Variants in ILDR2 observed in about 807,000 individuals in gnomAD.
ILDR2 encodes immunoglobulin like domain containing receptor 2, also known as immunoglobulin-like domain-containing receptor 2.
A neutral mutation model predicts 66.8 loss-of-function variants in ILDR2; 25 were observed. The ratio of observed to expected loss-of-function variants is 0.37; its 90% confidence interval spans 0.27 to 0.52. The LOEUF is 0.52. Among genes scored for constraint, ILDR2 ranks in the 20% least tolerant of loss-of-function variants. The pLI, the probability that ILDR2 is intolerant of heterozygous loss-of-function variation, is 0.88. For missense variants in ILDR2, 827 were observed against 876.8 expected (o/e 0.94, Z 0.72); for synonymous variants, 367 against 357.2 (o/e 1.03, Z -0.31).
chr1:166,901,741 T>C (rs1659269428), intron 2 of ILDR2, among the ~76,000 whole-genome samples: 2 of 152,228 alleles, frequency 1.3e-5, no homozygotes, highest in South Asian at 4.1e-4. Context: ...CCTTCTTCCC[T>C]AGTTCCCCCA....
intron 7 of ILDR2, 47 bp from the exon 8 acceptor site, chr1:166,922,856 T>C: frequency 6.6e-7 from 1 of 1,508,984 alleles, no homozygotes; most frequent in South Asian, 1.1e-5. Flanking sequence ...TGTTACTCTG[T>C]TTTAGACAGG....
In ILDR2 at chr1:166,909,758, T is replaced by TATAA. The variant is rs1299440637; in HGVS notation, c.*9596_*9597insTTAT. On this transcript the variant is annotated 3_prime_UTR_variant, in exon 10 of 10. Coordinates refer to ENST00000271417, the MANE Select transcript of ILDR2 (RefSeq NM_199351.3). ...ATACATATATATATATATATATATA[T>TATAA]AAATATATATAAATATATATATTTA... 11 of 74,336 alleles carry TATAA rather than the reference T, an allele frequency of 1.5e-4. No individual in the cohort carries two copies. The highest frequency in any genetic ancestry group is 1.1e-3 in the East Asian group (2 of 1,766). The allele number at this position is 74,336 out of a possible 1,614,324, so 4.6% of individuals were successfully genotyped here.
chr1:166,919,099 T>G lies in ILDR2; in HGVS notation c.*256A>C, dbSNP rs550602683. 1 of 517,998 alleles carries G rather than the reference T, an allele frequency of 1.9e-6. No individual in the cohort carries two copies. Among genetic ancestry groups the G allele is most frequent in the East Asian group, 2.9e-5 (1 of 33,974 alleles). The allele number at this position is 517,998 out of a possible 1,614,324, so 32.1% of individuals were successfully genotyped here. On this transcript the variant is annotated 3_prime_UTR_variant, in exon 10 of 10. Transcript: ENST00000271417. ...AGGCTGGGCAGGATAAACGCTATAG[T>G]TGAGAAACTCTGTATGTAGGAATGT... is the stretch of plus-strand genomic sequence containing the variant.
chr1:166,904,982 A>C (rs537852291), downstream of ILDR2, among the ~76,000 whole-genome samples: 48 of 152,368 alleles, frequency 3.2e-4, no homozygotes, highest in Admixed American at 1.2e-3. Flanking sequence ...GCTAGGTAAC[A>C]AGATAAAGGT....
At position 166,921,511 on chromosome 1, in the gene ILDR2, G is replaced by T; in HGVS notation, c.1212-132C>A. 1.4e-6 allele frequency: 1 copy of T among 706,726 alleles called. No homozygotes were observed. The highest frequency in any genetic ancestry group is 2.3e-6 in the Non-Finnish European group (1 of 440,786). 43.8% of individuals were successfully genotyped at this position (706,726 alleles called of 1,614,324 possible). Reference sequence around the variant, plus strand: ...GGCCTGAGCCTCAGCTCCGCTCCAGGCTGGATGAAGCATTCCAGGCTCCTC... The same window carrying T: ...GGCCTGAGCCTCAGCTCCGCTCCAGTCTGGATGAAGCATTCCAGGCTCCTC... On this transcript the variant is annotated intron_variant, in intron 8 of 9. Coordinates refer to ENST00000271417, the MANE Select transcript of ILDR2 (RefSeq NM_199351.3). This position sits in a 1 kb window ranked among gnomAD's most constrained non-coding sequence, Gnocchi z 5.3.
intron 3 of ILDR2, among the ~76,000 whole-genome samples, chr1:166,956,105 T>C (rs1333118946): frequency 1.3e-5 from 2 of 152,352 alleles, no homozygotes; most frequent in East Asian, 3.9e-4. Context: ...TAATGAGTTT[T>C]CATTTATGAG....
At chr1:166,972,495 TAAC>T (rs771568714) in intron 1 of ILDR2, among the ~76,000 whole-genome samples, 4 of 151,998 alleles carry the variant, frequency 2.6e-5, no homozygotes, top group African/African-American at 9.7e-5. Context: ...TTGTTCAAAA[TAAC>T]AACAACAACA....
chr1:166,934,328 A>C (rs1660815306), intron 6 of ILDR2, among the ~76,000 whole-genome samples: 2 of 152,210 alleles, frequency 1.3e-5, no homozygotes, highest in Admixed American at 1.3e-4. Flanking sequence ...TGATCTAGAC[A>C]ACTTGGGGTC....
Position 166,957,963 on chromosome 1 carries a change from C to A in ILDR2, c.185G>T (p.Cys62Phe), listed in dbSNP as rs752512920. ...AVVQWKFKSY[C>F]QDRMGESLGM... ...CAAGGATTCTCCCATGCGATCCTGG[C>A]AGTAGGACTTGAACTTCCACTGCAC... Residue 62 changes from cysteine to phenylalanine, a missense_variant, in exon 2 of 10, where the codon TGC (cysteine) becomes TTC (phenylalanine). Physicochemically the swap from Cys to Phe is radical, Grantham distance 205. This residue lies in a region of ILDR2 where 437 missense variants were observed against 523.2 expected (regional missense o/e 0.84). Transcript: ENST00000271417. 4 of 1,614,034 alleles carry A rather than the reference C, an allele frequency of 2.5e-6. No homozygotes were observed. In the African/African-American group the frequency reaches 5.3e-5, roughly 22 times the overall value.
rs902119326 is a variant in ILDR2 at position 166,915,903 on chromosome 1, G to C, written c.*3452C>G. ...TCTCCGTGAGGCCTGCCCTGTGTTGGTGAATATGGGCAGCAGCACTCACAG... is the reference window on the plus strand; with the variant it reads ...TCTCCGTGAGGCCTGCCCTGTGTTGCTGAATATGGGCAGCAGCACTCACAG... On this transcript the variant is annotated 3_prime_UTR_variant, in exon 10 of 10. Transcript: ENST00000271417. 1 of 152,262 alleles carries C rather than the reference G, an allele frequency of 6.6e-6. No individual in the cohort carries two copies. Among genetic ancestry groups the C allele is most frequent in the Non-Finnish European group, 1.5e-5 (1 of 68,096 alleles). 9.4% of individuals were successfully genotyped at this position (152,262 alleles called of 1,614,324 possible).
Position 166,921,327 on chromosome 1 carries a change from C to A in ILDR2, c.1264G>T (p.Val422Leu). Residue 422 changes from valine to leucine, a missense_variant, in exon 9 of 10, where the codon GTG (valine) becomes TTG (leucine). Physicochemically the swap from Val to Leu is conservative, Grantham distance 32. Transcript: ENST00000271417. This position sits in a 1 kb window ranked among gnomAD's most constrained non-coding sequence, Gnocchi z 5.3. Reference protein sequence around the residue: ...MLSRKNFATGVPAVSMDELAA... With the variant: ...MLSRKNFATGLPAVSMDELAA... ...AGCTCGTCCATGGAAACGGCCGGCA[C>A]CCCCGTGGCGAAGTTCTTCCGCGAC... 1 of 1,586,666 alleles carries A rather than the reference C, an allele frequency of 6.3e-7. No individual in the cohort carries two copies. The highest frequency in any genetic ancestry group is 8.6e-7 in the Non-Finnish European group (1 of 1,163,740).
intron 1 of ILDR2, among the ~76,000 whole-genome samples, chr1:166,967,924 T>C (rs1663056997): frequency 6.6e-6 from 1 of 152,198 alleles, no homozygotes; most frequent in African/African-American, 2.4e-5. Context: ...GGTCACTCTG[T>C]CCAATTCTCT....
intron 2 of ILDR2, among the ~76,000 whole-genome samples, chr1:166,899,986 T>C (rs890428777): frequency 6.6e-6 from 1 of 152,190 alleles, no homozygotes; most frequent in African/African-American, 2.4e-5. Context: ...CTGCTAGAAA[T>C]GCAGAATCTC....
At chr1:166,973,621 C>A (rs4657615) in intron 1 of ILDR2, among the ~76,000 whole-genome samples, 6 of 134,422 alleles carry the variant, frequency 4.5e-5, no homozygotes, top group South Asian at 2.8e-4. Context: ...CTCCCCCCCC[C>A]CCCCGATGCC....
intron 1 of ILDR2, among the ~76,000 whole-genome samples, chr1:166,965,570 GT>G (rs535388259): frequency 1.6e-5 from 2 of 127,392 alleles, no homozygotes; most frequent in African/African-American, 3.2e-5. Flanking sequence ...GTTAGGTTTT[GT>G]TTTTTTTTTT....
At chr1:166,972,043 C>T (rs527830321) in intron 1 of ILDR2, among the ~76,000 whole-genome samples, 1 of 152,024 alleles carries the variant, frequency 6.6e-6, no homozygotes, top group African/African-American at 2.4e-5. Flanking sequence ...GAAACCCCAA[C>T]TCTACTAAAA....
chr1:166,962,267 A>G (rs1195787159), intron 1 of ILDR2, among the ~76,000 whole-genome samples: 2 of 152,122 alleles, frequency 1.3e-5, no homozygotes, highest in Non-Finnish European at 2.9e-5. Context: ...TAGGTGTCCT[A>G]TACAACTGGG....
chr1:166,911,771 A>T lies in ILDR2; in HGVS notation c.*7584T>A, dbSNP rs982704470. On this transcript the variant is annotated 3_prime_UTR_variant, in exon 10 of 10. Coordinates refer to ENST00000271417, the MANE Select transcript of ILDR2 (RefSeq NM_199351.3). ...ATTAAAATTAAAACTCAAATAAAGG[A>T]GATTAGAGCTAGCTGAAAAGAAAAT... 3 of 152,054 alleles carry T rather than the reference A, an allele frequency of 2.0e-5. No individual in the cohort carries two copies. Among genetic ancestry groups the T allele is most frequent in the African/African-American group, 7.2e-5 (3 of 41,438 alleles). 9.4% of individuals were successfully genotyped at this position (152,054 alleles called of 1,614,324 possible). A position where few individuals can be genotyped will look rare whatever the true frequency, so the allele number is the denominator to read the frequency against.
In ILDR2 at chr1:166,936,554, T is replaced by C. The variant is rs573016483; in HGVS notation, c.703+37A>G. The C allele has an allele frequency of 1.3e-4, 215 of 1,613,622 alleles. No individual in the cohort carries two copies. The highest frequency in any genetic ancestry group is 1.0e-3 in the South Asian group (94 of 90,954). On this transcript the variant is annotated intron_variant, in intron 5 of 9. Coordinates refer to ENST00000271417, the MANE Select transcript of ILDR2 (RefSeq NM_199351.3). This position sits in a 1 kb window ranked among gnomAD's most constrained non-coding sequence, Gnocchi z 5.0. ...TCAGGTAGAGAGGTAGACATTTCTC[T>C]CGATCGCTCTGTCTCCCCAGCGGTC...
Sources: gnomAD v4.1 joint callset for allele counts (sites outside exome capture counted in the v4.1 genomes callset) on GRCh38, gnomAD v4.1.1 for gene constraint, gnomAD v4.1.1 regional missense constraint, Gnocchi (gnomAD v3.1) non-coding constraint, MANE v1.5 for transcripts, NCBI Gene and HGNC (gene_info 2026-07-23, HGNC 2026-07-21) for gene names.